Variants in STRIP2 observed in about 807,000 individuals in gnomAD.
The protein encoded by STRIP2 is striatin interacting protein 2.
In STRIP2, 84 loss-of-function variants were observed where a neutral mutation model predicts 107.1. The ratio of observed to expected loss-of-function variants is 0.78; its 90% CI spans 0.66 to 0.94. The LOEUF is 0.94. STRIP2 is among the 40% of genes least tolerant of loss of function. The pLI is 0.00. For synonymous variants in STRIP2, 394 were observed against 400.4 expected (o/e 0.98, Z 0.19); for missense variants, 888 against 1,034.2 (o/e 0.86, Z 1.94).
intron 4 of STRIP2, among the ~76,000 whole-genome samples, chr7:129,452,481 C>T (rs906156473): frequency 2.0e-5 from 3 of 152,158 alleles, no homozygotes; most frequent in Non-Finnish European, 2.9e-5. Flanking sequence ...CTGTGCCCTC[C>T]TGTATCTCTT....
intron 18 of STRIP2, among the ~76,000 whole-genome samples, chr7:129,471,861 T>C (rs1405554711): frequency 6.6e-6 from 1 of 152,188 alleles, no homozygotes; most frequent in Non-Finnish European, 1.5e-5. Context: ...TCCCTGGTCT[T>C]ATTTAGATGT....
intron 18 of STRIP2, among the ~76,000 whole-genome samples, chr7:129,475,204 A>G (rs907432012): frequency 6.6e-6 from 1 of 151,110 alleles, no homozygotes; most frequent in Non-Finnish European, 1.5e-5. Context: ...TGGGCTCAGT[A>G]TGTATTTTGC....
intron 18 of STRIP2, among the ~76,000 whole-genome samples, chr7:129,476,092 G>T (rs1051501735): frequency 1.3e-5 from 2 of 152,134 alleles, no homozygotes; most frequent in South Asian, 2.1e-4. Flanking sequence ...CCTCCCAGAG[G>T]GGGTGGCGGC....
intron 18 of STRIP2, among the ~76,000 whole-genome samples, chr7:129,472,782 T>TTTTTC (rs1798823191): frequency 8.1e-6 from 1 of 123,906 alleles, no homozygotes; most frequent in African/African-American, 3.0e-5. Flanking sequence ...TTTCCTTTTT[T>TTTTTC]TTTTTTTTTT....
intron 17 of STRIP2, 50 bp downstream of exon 17, chr7:129,467,500 A>C (rs1436610885): frequency 4.5e-6 from 6 of 1,332,136 alleles, no homozygotes; most frequent in Non-Finnish European, 6.4e-6. Flanking sequence ...GGGGTGGTTG[A>C]GAAAATTACA....
intron 17 of STRIP2, 67 bp downstream of exon 17, chr7:129,467,517 C>T (rs1798699622): frequency 8.7e-6 from 10 of 1,148,948 alleles, no homozygotes; most frequent in South Asian, 4.0e-5. Context: ...TACATCATCT[C>T]GGAGCCTTTC....
chr7:129,485,617 T>C lies in STRIP2; in HGVS notation c.2293T>C (p.Cys765Arg), dbSNP rs1429418968. 3 of 1,613,960 alleles carry C rather than the reference T, an allele frequency of 1.9e-6. No homozygotes were observed. Among genetic ancestry groups the C allele is most frequent in the Non-Finnish European group, 1.7e-6 (2 of 1,180,016 alleles). ...ARPWDFQAEE[C>R]TLRANIEAFN... ...ACCATGGGACTTCCAAGCAGAAGAATGTACCTTGAGGGCCAACATTGAGGC... is the reference window on the plus strand; with the variant it reads ...ACCATGGGACTTCCAAGCAGAAGAACGTACCTTGAGGGCCAACATTGAGGC... The change falls in exon 21 of 21, where the codon TGT (cysteine) becomes CGT (arginine). Residue 765 changes from cysteine (C) to arginine (R), a missense_variant. Cys to Arg is a radical substitution (Grantham distance 180, BLOSUM62 -3). Coordinates refer to ENST00000249344, the MANE Select transcript of STRIP2 (RefSeq NM_020704.3).
chr7:129,482,967 G>A lies in STRIP2; in HGVS notation c.2175G>A (p.Arg725=), dbSNP rs533999747. The A allele has an allele frequency of 6.2e-7, 1 of 1,614,202 alleles. No homozygotes were observed. Among genetic ancestry groups the A allele is most frequent in the Non-Finnish European group, 8.5e-7 (1 of 1,180,036 alleles). ...LQTKYLGRQW[R]KSNMKTMSAI... ...CCAAGTACCTGGGGCGCCAATGGAG[G>A]AAAAGCAACATGAAAACCATGTCAG... Residue 725 remains arginine, a synonymous_variant, in exon 20 of 21, where the codon AGG becomes AGA. Transcript: ENST00000249344.
At chr7:129,470,372 C>A (rs1467761202) in intron 17 of STRIP2, among the ~76,000 whole-genome samples, 1 of 152,154 alleles carries the variant, frequency 6.6e-6, no homozygotes, top group East Asian at 1.9e-4. Flanking sequence ...TTTAAAGAAG[C>A]AAGGAGTGCT....
rs923948453 is a variant in STRIP2 at position 129,459,393 on chromosome 7, T to C, written c.1341-124T>C. 2.9e-5 allele frequency: 23 copies of C among 791,866 alleles called. No homozygotes were observed. The East Asian group carries it at 5.4e-4, about 19-fold the overall frequency. The allele number at this position is 791,866 out of a possible 1,614,324, so 49.1% of individuals were successfully genotyped here. A position where few individuals can be genotyped will look rare whatever the true frequency, so the allele number is the denominator to read the frequency against. ...GGACCTACGAGCTTGCAGAGGAAGG[T>C]CTAGGGTACTGGGGGTAGATGTTGT... On this transcript the variant is annotated intron_variant, in intron 11 of 20. Coordinates refer to ENST00000249344, the MANE Select transcript of STRIP2 (RefSeq NM_020704.3).
At chr7:129,434,679 C>G (rs1296108758) in intron 1 of STRIP2, 78 bp downstream of exon 1, 2 of 1,388,554 alleles carry the variant, frequency 1.4e-6, no homozygotes, top group African/African-American at 3.1e-5. Flanking sequence ...GATTCGGCCT[C>G]GGCCCCGGAG....
intron 18 of STRIP2, among the ~76,000 whole-genome samples, chr7:129,477,213 G>GGAGAGGGAGGGAGAGGGA (rs1798991741): frequency 3.4e-5 from 1 of 29,100 alleles, no homozygotes; most frequent in Non-Finnish European, 6.9e-5. Context: ...AGGGGGAGGG[G>GGAGAGGGAGGGAGAGGGA]GAGGGAGACT....
At chr7:129,438,853 T>C (rs1377153993) in intron 1 of STRIP2, among the ~76,000 whole-genome samples, 1 of 152,210 alleles carries the variant, frequency 6.6e-6, no homozygotes, top group Non-Finnish European at 1.5e-5. Flanking sequence ...ATAAAGGATA[T>C]GACTCAGAAA....
At chr7:129,439,818 C>G (rs929604078) in intron 1 of STRIP2, among the ~76,000 whole-genome samples, 1 of 152,188 alleles carries the variant, frequency 6.6e-6, no homozygotes, top group Admixed American at 6.5e-5. Flanking sequence ...TAGGAATCCT[C>G]AGCCCCTCCC....
rs1798426820 is a variant in STRIP2 at position 129,458,375 on chromosome 7, C to T, written c.1199C>T (p.Pro400Leu). 1.2e-6 allele frequency: 2 copies of T among 1,613,900 alleles called. No individual in the cohort carries two copies. The highest frequency in any genetic ancestry group is 1.7e-6 in the Non-Finnish European group (2 of 1,179,932). ...CTAGAGCAGGACCCTCTGGTGCCACCTCCACCCTCACAGGCACCCCTCTCT... is the reference window on the plus strand; with the variant it reads ...CTAGAGCAGGACCCTCTGGTGCCACTTCCACCCTCACAGGCACCCCTCTCT... ...DLLEQDPLVP[P>L]PPSQAPLSAE... is the part of the protein sequence containing the mutation. Residue 400 changes from proline (P) to leucine (L), a missense_variant, in exon 10 of 21, where the codon CCT becomes CTT. Physicochemically the swap from Pro to Leu is moderately conservative, Grantham distance 98. Transcript: ENST00000249344. The surrounding 1 kb of genome is among the most constrained non-coding windows in gnomAD (Gnocchi z 4.6).
rs557946729 is a variant in STRIP2, at chr7:129,463,967, C to T, written c.1552-77C>T. ...TGGCTTTAAAACACTTTTTATAGGG[C>T]GGTTAGGGTGTGGAAGAATCACTTC... is the stretch of plus-strand genomic sequence containing the variant. On this transcript the variant is annotated intron_variant, in intron 14 of 20. Coordinates refer to ENST00000249344, the MANE Select transcript of STRIP2 (RefSeq NM_020704.3). 393 of 1,089,410 alleles carry T rather than the reference C, an allele frequency of 3.6e-4. 1 individual carries two copies. The highest frequency in any genetic ancestry group is 4.7e-4 in the Non-Finnish European group (338 of 720,906). The allele number at this position is 1,089,410 out of a possible 1,614,324, so 67.5% of individuals were successfully genotyped here.
At chr7:129,456,326 C>G (rs1244859041) in intron 8 of STRIP2, 113 bp from the exon 9 acceptor site, 4 of 869,268 alleles carry the variant, frequency 4.6e-6, no homozygotes, top group Non-Finnish European at 7.2e-6. Flanking sequence ...AGGAAAAGGT[C>G]TGAAGGGACT....
intron 3 of STRIP2, among the ~76,000 whole-genome samples, chr7:129,444,792 C>G (rs945210314): frequency 1.3e-5 from 2 of 152,116 alleles, no homozygotes; most frequent in Non-Finnish European, 2.9e-5. Flanking sequence ...GGAAACTCAC[C>G]AATCCCCAAC....
At chr7:129,465,563 T>G (rs1255999733) in intron 16 of STRIP2, among the ~76,000 whole-genome samples, 1 of 152,212 alleles carries the variant, frequency 6.6e-6, no homozygotes, top group East Asian at 1.9e-4. Context: ...GCACCTATCC[T>G]GTGCCCAGCA....
Sources: gnomAD v4.1 joint callset for allele counts (sites outside exome capture counted in the v4.1 genomes callset) on GRCh38, gnomAD v4.1.1 for gene constraint, Gnocchi (gnomAD v3.1) non-coding constraint, MANE v1.5 for transcripts, NCBI Gene and HGNC (gene_info 2026-07-23, HGNC 2026-07-21) for gene names.